Variants in PRCD observed in about 807,000 individuals in gnomAD.
PRCD encodes the protein photoreceptor disk component PRCD.
In PRCD, 12 loss-of-function variants were observed where a neutral mutation model predicts 10.1. That is an observed-to-expected ratio of 1.18 (90% CI 0.76 to 1.92). PRCD has a LOEUF of 1.92. PRCD is among the 40% of genes most tolerant of loss of function. The pLI, the probability that PRCD is intolerant of heterozygous loss-of-function variation, is 0.00. For missense variants in PRCD, 61 were observed against 72.2 expected, an observed-to-expected ratio of 0.84 and a Z score of 0.56; for synonymous variants, 31 against 26.2, an observed-to-expected ratio of 1.18 and a Z score of -0.56.
chr17:76,540,036 C>T (rs547310148), upstream of PRCD: 247 of 1,205,688 alleles, frequency 2.0e-4, no homozygotes, highest in African/African-American at 3.4e-3. This position sits in a 1 kb window ranked among gnomAD's most constrained non-coding sequence, Gnocchi z 5.0. Context: ...CAGCAGGAAC[C>T]GCAGGACAGA....
chr17:76,547,702 C>G (rs1015470969), downstream of PRCD, among the ~76,000 whole-genome samples: 2 of 151,128 alleles, frequency 1.3e-5, no homozygotes, highest in African/African-American at 4.9e-5. Flanking sequence ...CACACACAGA[C>G]ACACACACAC....
At chr17:76,534,113 T>C (rs2074882925) in intron 1 of PRCD, among the ~76,000 whole-genome samples, 1 of 148,372 alleles carries the variant, frequency 6.7e-6, no homozygotes, top group Non-Finnish European at 1.5e-5. Flanking sequence ...CTTTCTTTCT[T>C]CTTTCTTTCT....
intron 1 of PRCD, among the ~76,000 whole-genome samples, chr17:76,534,146 TTCTCTCTCTC>T (rs71158013): frequency 0.022 from 2,897 of 128,994 alleles, 107 homozygotes; most frequent in African/African-American, 0.073. Flanking sequence ...CTCTTTCTCT[TTCTCTCTCTC>T]TCTCTCTCTC....
chr17:76,534,327 C>T (rs749673658), intron 1 of PRCD, among the ~76,000 whole-genome samples: 4 of 151,984 alleles, frequency 2.6e-5, no homozygotes, highest in Non-Finnish European at 2.9e-5. Context: ...TACAGGTGCC[C>T]GCCACCACAC....
Position 76,545,261 on chromosome 17 carries a change from TG to T in PRCD, c.*1614del, listed in dbSNP as rs775056234. ...CCTAGAGCTCCCCACAGAAGGCTCC[TG>T]GGACCCGGGTGCCCCTTCCTTGGCC... is the stretch of plus-strand genomic sequence containing the variant. On this transcript the variant is annotated 3_prime_UTR_variant, in exon 5 of 5. Coordinates refer to ENST00000592014, the MANE Select transcript of PRCD (RefSeq NM_001077620.3). 1 of 456,796 alleles carries T rather than the reference TG, an allele frequency of 2.2e-6. No individual in the cohort carries two copies. The highest frequency in any genetic ancestry group is 1.5e-5 in the South Asian group (1 of 64,576). The allele number at this position is 456,796 out of a possible 1,614,324, so 28.3% of individuals were successfully genotyped here.
Position 76,533,155 on chromosome 17 carries a change from C to T in PRCD, n.45+5322C>T, listed in dbSNP as rs2074868623. Among the ~76,000 whole-genome samples the T allele has an allele frequency of 1.3e-5, 2 of 152,104 alleles. No individual in the cohort carries two copies. Among genetic ancestry groups the T allele is most frequent in the Non-Finnish European group, 2.9e-5 (2 of 68,020 alleles). On this transcript the variant is annotated intron_variant and non_coding_transcript_variant, in intron 1 of 4. Transcript: ENST00000397633. This position sits in a 1 kb window ranked among gnomAD's most constrained non-coding sequence, Gnocchi z 4.5. Reference sequence around the variant, plus strand: ...ATTGGCGGGGAAGTTTGCACAGTGACCAGGGCACAGTCTGTGTGGAGACTC... The same window carrying T: ...ATTGGCGGGGAAGTTTGCACAGTGATCAGGGCACAGTCTGTGTGGAGACTC...
chr17:76,533,847 T>C lies in PRCD; in HGVS notation n.45+6014T>C, dbSNP rs963580478. On this transcript the variant is annotated intron_variant and non_coding_transcript_variant, in intron 1 of 4. Transcript: ENST00000397633. The surrounding 1 kb of genome is among the most constrained non-coding windows in gnomAD (Gnocchi z 4.5). ...GAGTTTGAGACCAGCCTGGGCAACA[T>C]AGTGAGATCCTGTCTCCAGAAAAAA... is the stretch of plus-strand genomic sequence containing the variant. Among the ~76,000 whole-genome samples, 1 of 152,022 alleles carries C rather than the reference T, an allele frequency of 6.6e-6. No individual in the cohort carries two copies. The highest frequency in any genetic ancestry group is 1.5e-5 in the Non-Finnish European group (1 of 67,992).
chr17:76,550,041 C>T (rs2075095365), downstream of PRCD: 1 of 151,950 alleles, frequency 6.6e-6, no homozygotes, highest in Non-Finnish European at 1.5e-5. Flanking sequence ...CTGCAACCTC[C>T]ACCTCCTGAG....
upstream of PRCD, among the ~76,000 whole-genome samples, chr17:76,535,673 G>T (rs1406064506): frequency 6.6e-6 from 1 of 152,186 alleles, no homozygotes; most frequent in East Asian, 1.9e-4. Flanking sequence ...GTGGGGAACT[G>T]GAAGAGGGGT....
chr17:76,549,381 A>C (rs2075085971), downstream of PRCD, among the ~76,000 whole-genome samples: 1 of 152,264 alleles, frequency 6.6e-6, no homozygotes, highest in South Asian at 2.1e-4. Flanking sequence ...TAATACCAGC[A>C]CTTTGGGAAA....
Position 76,530,637 on chromosome 17 carries a change from T to G in PRCD, n.45+2804T>G, listed in dbSNP as rs530723568. On this transcript the variant is annotated intron_variant and non_coding_transcript_variant, in intron 1 of 4. Transcript: ENST00000397633. The surrounding 1 kb of genome is among the most constrained non-coding windows in gnomAD (Gnocchi z 6.1). Reference sequence around the variant, plus strand: ...GGCTGACCTGGGCTGCCTCCGAGCCTGATGATCGGACCTTACCGCCAGGAG... The same window carrying G: ...GGCTGACCTGGGCTGCCTCCGAGCCGGATGATCGGACCTTACCGCCAGGAG... Among the ~76,000 whole-genome samples, 10 of 152,250 alleles carry G rather than the reference T, an allele frequency of 6.6e-5. No individual in the cohort carries two copies. In the South Asian group the frequency reaches 2.1e-3, roughly 32 times the overall value.
intron 1 of PRCD, among the ~76,000 whole-genome samples, chr17:76,532,548 T>C (rs1376115942): frequency 1.3e-5 from 2 of 150,780 alleles, no homozygotes; most frequent in Non-Finnish European, 3.0e-5. Flanking sequence ...TTTTTTTTTT[T>C]TGAGATGGAG....
At position 76,528,949 on chromosome 17, in the gene PRCD, G is replaced by C; in HGVS notation, n.45+1116G>C. 1 of 1,086,840 alleles carries C rather than the reference G, an allele frequency of 9.2e-7. No individual in the cohort carries two copies. The highest frequency in any genetic ancestry group is 1.1e-6 in the Non-Finnish European group (1 of 896,274). 67.3% of individuals were successfully genotyped at this position (1,086,840 alleles called of 1,614,324 possible). ...GCTCTTTTTCCATTAATTCTGAAACGTGGCGCATTCTGTCCGGCCTGTCTC... is the reference window on the plus strand; with the variant it reads ...GCTCTTTTTCCATTAATTCTGAAACCTGGCGCATTCTGTCCGGCCTGTCTC... On this transcript the variant is annotated intron_variant and non_coding_transcript_variant, in intron 1 of 4. Coordinates refer to the PRCD transcript ENST00000397633. The surrounding 1 kb of genome is among the most constrained non-coding windows in gnomAD (Gnocchi z 5.8).
chr17:76,553,310 T>A (rs1327290521), exon 2 of PRCD: 3 of 152,266 alleles, frequency 2.0e-5, no homozygotes, highest in Non-Finnish European at 2.9e-5. Context: ...TTACCATGTC[T>A]GGTACAGATG....
chr17:76,552,666 C>T (rs1400251039), intron 1 of PRCD, among the ~76,000 whole-genome samples: 1 of 151,260 alleles, frequency 6.6e-6, no homozygotes, highest in Admixed American at 6.6e-5. Flanking sequence ...GAGTTCGAGA[C>T]CAGCCTGGCC....
upstream of PRCD, among the ~76,000 whole-genome samples, chr17:76,536,131 G>A (rs1057382774): frequency 2.6e-5 from 4 of 152,182 alleles, no homozygotes; most frequent in Non-Finnish European, 5.9e-5. Flanking sequence ...TGCCACTCCC[G>A]ACTGTGTTTC....
At chr17:76,538,618 C>T (rs528660469), upstream of PRCD, 41 of 402,144 alleles carry the variant, frequency 1.0e-4, no homozygotes, top group Admixed American at 1.2e-3. Context: ...TTGAGGAAGG[C>T]GCAGGCTGCT....
At chr17:76,532,247 T>C (rs2074853597) in intron 1 of PRCD, among the ~76,000 whole-genome samples, 1 of 152,202 alleles carries the variant, frequency 6.6e-6, no homozygotes, top group Admixed American at 6.5e-5. Context: ...CATTCCCCAC[T>C]ATACTCGCAT....
At chr17:76,542,506 G>A in intron 2 of PRCD, 47 bp from the exon 3 acceptor site, 2 of 1,612,732 alleles carry the variant, frequency 1.2e-6, no homozygotes, top group East Asian at 4.5e-5. Context: ...AGAAACATGG[G>A]AAGGTCGTGC....
Sources: allele counts gnomAD v4.1 joint callset (sites outside exome capture counted in the v4.1 genomes callset), GRCh38; gene constraint gnomAD v4.1.1; non-coding constraint Gnocchi (gnomAD v3.1); transcripts MANE v1.5; gene names NCBI Gene and HGNC (gene_info 2026-07-23, HGNC 2026-07-21).